The following UEVLD variants were observed in gnomAD, a reference collection of about 807,000 sequenced individuals.
The protein encoded by UEVLD is UEV and lactate/malate dehyrogenase domains.
Under a neutral mutation model 58.6 loss-of-function variants are expected in UEVLD, and 47 were observed. The ratio of observed to expected loss-of-function variants is 0.80; its 90% CI spans 0.63 to 1.02. UEVLD has a LOEUF of 1.02. UEVLD is among the 50% of genes least tolerant of loss of function. The pLI, the probability that UEVLD is intolerant of heterozygous loss-of-function variation, is 0.00. For missense variants in UEVLD, 510 were observed against 550.6 expected, an observed-to-expected ratio of 0.93 and a Z score of 0.74; for synonymous variants, 197 against 195.3, an observed-to-expected ratio of 1.01 and a Z score of -0.07.
chr11:18,532,516 GAACTA>G, intron 11 of UEVLD, 29 bp from the exon 12 acceptor site: 1 of 1,508,510 alleles, frequency 6.6e-7, no homozygotes, highest in Non-Finnish European at 9.0e-7. Flanking sequence ...GGATTTAATA[GAACTA>G]AATCATTGCA....
intron 5 of UEVLD, 89 bp from the exon 6 acceptor site, chr11:18,565,099 G>T: frequency 1.1e-6 from 1 of 927,426 alleles, no homozygotes; most frequent in Non-Finnish European, 1.6e-6. Flanking sequence ...AGGCTTCATA[G>T]CTTAGAGAGA....
intron 6 of UEVLD, 103 bp downstream of exon 6, chr11:18,564,788 GT>G: frequency 5.5e-6 from 4 of 729,814 alleles, no homozygotes; most frequent in Non-Finnish European, 8.6e-6. Context: ...CCAAAATAAG[GT>G]TTTCCCACGA....
chr11:18,553,112 G>A (rs1432248949), intron 7 of UEVLD, among the ~76,000 whole-genome samples: 2 of 138,460 alleles, frequency 1.4e-5, no homozygotes, highest in East Asian at 2.2e-4. Flanking sequence ...TCGAGATAGC[G>A]CCATTGCACT....
chr11:18,586,408 G>A (rs933104389), intron 1 of UEVLD, among the ~76,000 whole-genome samples: 1 of 151,956 alleles, frequency 6.6e-6, no homozygotes, highest in Non-Finnish European at 1.5e-5. Flanking sequence ...GTAGAGATGG[G>A]GTTTCACCAT....
In UEVLD at chr11:18,529,863, CA is replaced by C. The variant is rs1315140242; in HGVS notation, c.*2456del. 6.6e-6 allele frequency: 1 copy of C among 152,172 alleles called. No homozygotes were observed. The highest frequency in any genetic ancestry group is 1.5e-5 in the Non-Finnish European group (1 of 68,026). The allele number at this position is 152,172 out of a possible 1,614,324, so 9.4% of individuals were successfully genotyped here. ...GCTTCTTGACTTACACTGGGATTTA[CA>C]ACATGATTACTAATACACTTAACAC... is the stretch of plus-strand genomic sequence containing the variant. On this transcript the variant is annotated 3_prime_UTR_variant, in exon 12 of 12. Transcript: ENST00000396197.
intron 4 of UEVLD, among the ~76,000 whole-genome samples, chr11:18,567,958 A>G (rs1365667869): frequency 2.0e-5 from 3 of 152,136 alleles, no homozygotes; most frequent in African/African-American, 7.2e-5. Flanking sequence ...CAGCCTGGAC[A>G]ACATAGGGAG....
intron 1 of UEVLD, among the ~76,000 whole-genome samples, chr11:18,584,643 GTTTT>G (rs764575755): frequency 1.3e-5 from 2 of 151,936 alleles, no homozygotes; most frequent in Non-Finnish European, 2.9e-5. Flanking sequence ...TGTTTGCTTT[GTTTT>G]TTTGAGACGG....
intron 1 of UEVLD, chr11:18,579,351 G>T: frequency 4.8e-6 from 3 of 625,930 alleles, no homozygotes; most frequent in Non-Finnish European, 6.0e-6. Context: ...GAGTCATATA[G>T]CAAGTTAAAT....
chr11:18,578,880 T>C, intron 1 of UEVLD, 72 bp from the exon 2 acceptor site: 1 of 1,148,922 alleles, frequency 8.7e-7, no homozygotes, highest in Non-Finnish European at 1.2e-6. Flanking sequence ...TTAACTTTTT[T>C]TTTTTGAGAC....
At chr11:18,544,523 G>T in intron 9 of UEVLD, 100 bp downstream of exon 9, 1 of 1,286,780 alleles carries the variant, frequency 7.8e-7, no homozygotes, top group Non-Finnish European at 1.1e-6. Flanking sequence ...GCCCAGGCTG[G>T]TCTTGAAGTC....
chr11:18,535,463 A>T (rs1226698511), intron 10 of UEVLD, among the ~76,000 whole-genome samples: 5 of 152,356 alleles, frequency 3.3e-5, no homozygotes, highest in African/African-American at 9.6e-5. Context: ...GTATAATCAG[A>T]TTAGAATGAA....
intron 1 of UEVLD, among the ~76,000 whole-genome samples, chr11:18,585,887 G>A (rs1198056888): frequency 2.0e-5 from 3 of 152,106 alleles, no homozygotes; most frequent in Non-Finnish European, 4.4e-5. Context: ...CGCCCACCTC[G>A]GCCTCCCGAA....
At chr11:18,582,405 C>CT (rs773719146) in intron 1 of UEVLD, among the ~76,000 whole-genome samples, 8,786 of 75,560 alleles carry the variant, frequency 0.12, 563 homozygotes, top group East Asian at 0.26. Context: ...AAAATATTAG[C>CT]TTTTTTTTTT....
At chr11:18,575,448 TCAGAAA>T (rs1554982750) in intron 2 of UEVLD, 36 bp from the exon 3 acceptor site, 2 of 1,573,016 alleles carry the variant, frequency 1.3e-6, no homozygotes, top group African/African-American at 2.8e-5. Flanking sequence ...AAATGTGCAA[TCAGAAA>T]CAGAAAGAAC....
intron 1 of UEVLD, chr11:18,579,457 T>C: frequency 1.0e-6 from 1 of 985,448 alleles, no homozygotes; most frequent in African/African-American, 1.7e-5. Context: ...TGAGGCAGAA[T>C]GGATCACCCC....
intron 9 of UEVLD, among the ~76,000 whole-genome samples, chr11:18,542,096 G>A (rs59374382): frequency 0.015 from 2,295 of 152,206 alleles, 59 homozygotes; most frequent in African/African-American, 0.051. Context: ...GGAAGCCTCT[G>A]AAAGTTTTTG....
chr11:18,566,260 A>G, intron 5 of UEVLD, 87 bp downstream of exon 5: 1 of 1,556,316 alleles, frequency 6.4e-7, no homozygotes, highest in Non-Finnish European at 8.7e-7. Context: ...TTTATTTATA[A>G]AAATCAAGTG....
At chr11:18,570,428 T>G (rs1185033258) in intron 3 of UEVLD, 51 bp from the exon 4 acceptor site, 2 of 1,454,782 alleles carry the variant, frequency 1.4e-6, no homozygotes, top group South Asian at 2.9e-5. Flanking sequence ...AGCACACACA[T>G]TATGATATAG....
chr11:18,552,681 G>A (rs951643434), intron 7 of UEVLD, among the ~76,000 whole-genome samples: 1 of 151,896 alleles, frequency 6.6e-6, no homozygotes, highest in Non-Finnish European at 1.5e-5. Flanking sequence ...GACCAACATG[G>A]TGAAACCCTG....
Sources: allele counts gnomAD v4.1 joint callset (sites outside exome capture counted in the v4.1 genomes callset), GRCh38; gene constraint gnomAD v4.1.1; transcripts MANE v1.5; gene names NCBI Gene and HGNC (gene_info 2026-07-23, HGNC 2026-07-21).